The following CTNNA3 variants were observed in gnomAD, a reference collection of about 807,000 sequenced individuals.
CTNNA3 encodes catenin alpha-3.
CTNNA3 carries 76 observed loss-of-function variants against 95.7 expected under a neutral mutation model. That is an observed-to-expected ratio of 0.79 (90% CI 0.66 to 0.96). The LOEUF (loss-of-function observed/expected upper bound fraction) is 0.96, where lower values mean the gene tolerates loss of function less well. CTNNA3 is among the 40% of genes least tolerant of loss of function. The probability of loss-of-function intolerance (pLI) is 0.00; values close to 1 mark genes in which losing one functional copy is unlikely to be tolerated. For missense variants in CTNNA3, 1,191 were observed against 1,089.8 expected (o/e 1.09, Z -1.31); for synonymous variants, 431 against 374.4 (o/e 1.15, Z -1.74).
At chr10:66,601,442 T>C (rs1589477804) in intron 10 of CTNNA3, among the ~76,000 whole-genome samples, 2 of 151,918 alleles carry the variant, frequency 1.3e-5, no homozygotes, top group African/African-American at 4.8e-5. Flanking sequence ...ATCATATTGA[T>C]AGCTTGCTAA....
chr10:66,323,992 T>C (rs900029346), intron 12 of CTNNA3, among the ~76,000 whole-genome samples: 5 of 151,734 alleles, frequency 3.3e-5, no homozygotes, highest in African/African-American at 1.2e-4. Flanking sequence ...TTCCACTCCA[T>C]CCCCACTTCT....
rs559656596 is a variant in CTNNA3 at position 66,596,612 on chromosome 10, A to G, written c.1374+25080T>C. On this transcript the variant is annotated intron_variant, in intron 10 of 17. Transcript: ENST00000433211. ...CTCTTTGAAGAGAAAAGAGAAATAGAGTGGGTGCCTCTACATACAAAAAGG... is the reference window on the plus strand; with the variant it reads ...CTCTTTGAAGAGAAAAGAGAAATAGGGTGGGTGCCTCTACATACAAAAAGG... 2.6e-5 allele frequency among the ~76,000 whole-genome samples: 4 copies of G among 152,316 alleles called. No homozygotes were observed. The South Asian group carries it at 8.3e-4, about 32-fold the overall frequency.
chr10:65,983,010 A>AATACAAATT (rs2078356810), intron 16 of CTNNA3, among the ~76,000 whole-genome samples: 1 of 151,672 alleles, frequency 6.6e-6, no homozygotes, highest in African/African-American at 2.4e-5. Flanking sequence ...GTAAAATATT[A>AATACAAATT]ATACAAATTA....
At chr10:66,912,592 C>A (rs1412193226) in intron 7 of CTNNA3, among the ~76,000 whole-genome samples, 1 of 152,020 alleles carries the variant, frequency 6.6e-6, no homozygotes, top group African/African-American at 2.4e-5. Flanking sequence ...TGCATGAACA[C>A]AACACCAGGA....
intron 10 of CTNNA3, among the ~76,000 whole-genome samples, chr10:66,529,627 G>A (rs1841397109): frequency 6.6e-6 from 1 of 151,972 alleles, no homozygotes; most frequent in Non-Finnish European, 1.5e-5. Flanking sequence ...TGTAAAAATG[G>A]AAGAATAGTG....
intron 9 of CTNNA3, among the ~76,000 whole-genome samples, chr10:66,667,924 C>G (rs893260745): frequency 2.0e-5 from 3 of 152,048 alleles, no homozygotes; most frequent in African/African-American, 7.2e-5. Context: ...AGCATATACT[C>G]TTATAGTGCC....
chr10:67,300,679 T>C (rs1840229142), intron 5 of CTNNA3, among the ~76,000 whole-genome samples: 1 of 152,222 alleles, frequency 6.6e-6, no homozygotes, highest in Non-Finnish European at 1.5e-5. Flanking sequence ...CAGACCAACA[T>C]ATTAAACCCT....
At chr10:66,904,773 C>T (rs1448772174) in intron 7 of CTNNA3, among the ~76,000 whole-genome samples, 6 of 152,200 alleles carry the variant, frequency 3.9e-5, no homozygotes, top group Admixed American at 6.5e-5. Context: ...TGAAAAGATG[C>T]TCATCATCAC....
chr10:67,730,539 T>C (rs1841268554), intron 1 of CTNNA3, among the ~76,000 whole-genome samples: 1 of 152,002 alleles, frequency 6.6e-6, no homozygotes, highest in Non-Finnish European at 1.5e-5. Flanking sequence ...GAAGACATGA[T>C]CCAAGAAAGA....
chr10:66,830,260 T>TA lies in CTNNA3; in HGVS notation c.1048-54737dup, dbSNP rs574129658. 7.2e-4 allele frequency among the ~76,000 whole-genome samples: 109 copies of TA among 152,336 alleles called. 1 individual carries two copies. Among genetic ancestry groups the TA allele is most frequent in the African/African-American group, 2.5e-3 (104 of 41,580 alleles). ...TGTAGTTTCTGATTTACGATACTGT[T>TA]AGCAAAGCTTCTCACTTGTTGAATC... On this transcript the variant is annotated intron_variant, in intron 7 of 17. Coordinates refer to ENST00000433211, the MANE Select transcript of CTNNA3 (RefSeq NM_013266.4).
At chr10:67,566,041 G>GTCTATATATATATATATATA (rs1388066358) in intron 3 of CTNNA3, among the ~76,000 whole-genome samples, 1 of 29,434 alleles carries the variant, frequency 3.4e-5, no homozygotes, top group Non-Finnish European at 5.9e-5. Context: ...ATATGTGTGT[G>GTCTATATATATATATATATA]TGTATATATA....
chr10:66,534,469 CAT>C (rs58455418), intron 10 of CTNNA3, among the ~76,000 whole-genome samples: 3,447 of 146,842 alleles, frequency 0.023, 121 homozygotes, highest in East Asian at 0.17. Flanking sequence ...TTATAAAAAT[CAT>C]ATATATATAT....
At chr10:66,637,544 A>C (rs1163525345) in intron 9 of CTNNA3, among the ~76,000 whole-genome samples, 1 of 152,200 alleles carries the variant, frequency 6.6e-6, no homozygotes, top group Non-Finnish European at 1.5e-5. Context: ...GAGCCTTTCA[A>C]ACCGTTGTCA....
intron 1 of CTNNA3, among the ~76,000 whole-genome samples, chr10:67,675,233 T>C (rs1343260097): frequency 6.6e-6 from 1 of 152,152 alleles, no homozygotes; most frequent in Non-Finnish European, 1.5e-5. Flanking sequence ...TAAATGACTT[T>C]TGTTAAATGA....
intron 14 of CTNNA3, among the ~76,000 whole-genome samples, chr10:66,085,833 T>C (rs2080960939): frequency 7.9e-6 from 1 of 126,498 alleles, no homozygotes; most frequent in Non-Finnish European, 1.8e-5. Context: ...GCAATGGAAG[T>C]AATTCAATCC....
At chr10:65,967,554 C>G (rs1466670948) in intron 16 of CTNNA3, among the ~76,000 whole-genome samples, 1 of 152,098 alleles carries the variant, frequency 6.6e-6, no homozygotes. Flanking sequence ...TTAGCTGTTA[C>G]AGACAAAGGA....
At chr10:66,020,646 T>C (rs549399498) in intron 15 of CTNNA3, among the ~76,000 whole-genome samples, 1 of 151,436 alleles carries the variant, frequency 6.6e-6, no homozygotes, top group Non-Finnish European at 1.5e-5. Flanking sequence ...GCTTGAAGCC[T>C]AAACACTTGC....
chr10:67,161,477 T>C (rs1296944108), intron 7 of CTNNA3, among the ~76,000 whole-genome samples: 2 of 151,844 alleles, frequency 1.3e-5, no homozygotes, highest in Non-Finnish European at 2.9e-5. Flanking sequence ...ATTATGATAA[T>C]TATGTGTATA....
intron 5 of CTNNA3, among the ~76,000 whole-genome samples, chr10:67,302,286 T>C (rs1364713355): frequency 6.6e-6 from 1 of 151,926 alleles, no homozygotes; most frequent in Non-Finnish European, 1.5e-5. Flanking sequence ...AATGGGGGAT[T>C]GGGGAGATGT....
Sources: gnomAD v4.1 joint callset for allele counts (sites outside exome capture counted in the v4.1 genomes callset) on GRCh38, gnomAD v4.1.1 for gene constraint, MANE v1.5 for transcripts, NCBI Gene and HGNC (gene_info 2026-07-23, HGNC 2026-07-21) for gene names.